Variants in LRP1B observed in about 807,000 individuals in gnomAD.
LRP1B encodes the protein low-density lipoprotein receptor-related protein 1B.
A neutral mutation model predicts 556.6 loss-of-function variants in LRP1B; 217 were observed. That is an observed-to-expected ratio of 0.39 (90% CI 0.35 to 0.44). The LOEUF (loss-of-function observed/expected upper bound fraction) is 0.44, where lower values mean the gene tolerates loss of function less well. Among genes scored for constraint, LRP1B ranks in the 20% least tolerant of loss-of-function variants. The pLI is 1.00. For missense variants in LRP1B, 5,053 were observed against 5,620.8 expected (o/e 0.90, Z 3.23); for synonymous variants, 2,047 against 1,865.8 (o/e 1.10, Z -2.50).
In LRP1B at chr2:140,410,980, A is replaced by G. The variant is rs141482868; in HGVS notation, c.10415-24971T>C. Among the ~76,000 whole-genome samples, 147 of 152,250 alleles carry G rather than the reference A, an allele frequency of 9.7e-4. 1 individual carries two copies. The highest frequency in any genetic ancestry group is 3.4e-3 in the Middle Eastern group (1 of 294). ...GTGCCGGGGTTACCTCACTAGAGCC[A>G]TATATCCCAAGTCACTAATACATGT... is the stretch of plus-strand genomic sequence containing the variant. On this transcript the variant is annotated intron_variant, in intron 66 of 90. Coordinates refer to ENST00000389484, the MANE Select transcript of LRP1B (RefSeq NM_018557.3).
intron 24 of LRP1B, among the ~76,000 whole-genome samples, 199 bp downstream of exon 24, chr2:140,885,939 A>G (rs1279164753): frequency 2.0e-5 from 3 of 152,096 alleles, no homozygotes; most frequent in East Asian, 3.9e-4. Flanking sequence ...AATGGTGTGA[A>G]CAGCACGAGC....
chr2:141,875,224 G>A (rs558048292), intron 1 of LRP1B, among the ~76,000 whole-genome samples: 247 of 151,692 alleles, frequency 1.6e-3, no homozygotes, highest in African/African-American at 5.7e-3. Context: ...TGCCCAGGCG[G>A]GTCTCAAACT....
At chr2:141,876,774 G>C (rs935179963) in intron 1 of LRP1B, among the ~76,000 whole-genome samples, 1 of 151,618 alleles carries the variant, frequency 6.6e-6, no homozygotes, top group Non-Finnish European at 1.5e-5. Context: ...TGTCATTATC[G>C]AGGGTAATTA....
intron 2 of LRP1B, among the ~76,000 whole-genome samples, chr2:141,632,825 C>T (rs1192473089): frequency 2.0e-5 from 3 of 146,904 alleles, no homozygotes; most frequent in African/African-American, 5.1e-5. Context: ...AATATTTACA[C>T]ACAGACTACT....
chr2:141,694,676 T>C (rs1422253934), intron 2 of LRP1B, among the ~76,000 whole-genome samples: 1 of 151,960 alleles, frequency 6.6e-6, no homozygotes, highest in Non-Finnish European at 1.5e-5. Context: ...TTTTCTCTTT[T>C]AGACATCACT....
At chr2:140,365,555 G>C (rs575628807) in intron 71 of LRP1B, among the ~76,000 whole-genome samples, 141 of 151,726 alleles carry the variant, frequency 9.3e-4, no homozygotes, top group African/African-American at 2.6e-3. Flanking sequence ...TGAGAGTTAG[G>C]AACTGTGGGT....
At chr2:141,608,533 T>C (rs1013208572) in intron 2 of LRP1B, among the ~76,000 whole-genome samples, 1 of 152,196 alleles carries the variant, frequency 6.6e-6, no homozygotes, top group Non-Finnish European at 1.5e-5. Context: ...ATACTGAGTA[T>C]GTTCACAGGA....
intron 2 of LRP1B, among the ~76,000 whole-genome samples, chr2:141,625,362 T>A (rs1688670399): frequency 6.6e-6 from 1 of 152,136 alleles, no homozygotes; most frequent in Admixed American, 6.5e-5. Context: ...AATGGATTTT[T>A]AAAAAAATGT....
chr2:141,005,729 G>A (rs899135940), intron 14 of LRP1B, among the ~76,000 whole-genome samples: 1 of 151,896 alleles, frequency 6.6e-6, no homozygotes, highest in Non-Finnish European at 1.5e-5. Context: ...GAACAGAATG[G>A]TATCTGTCTT....
intron 1 of LRP1B, among the ~76,000 whole-genome samples, chr2:141,961,518 G>T (rs183952947): frequency 6.6e-6 from 1 of 151,558 alleles, no homozygotes; most frequent in South Asian, 2.1e-4. Flanking sequence ...ATTGATCTGG[G>T]TCAATAGCTC....
chr2:141,872,914 C>T (rs189011529), intron 1 of LRP1B, among the ~76,000 whole-genome samples: 3 of 152,038 alleles, frequency 2.0e-5, no homozygotes, highest in South Asian at 2.1e-4. Flanking sequence ...CAAGGCTACA[C>T]GAAAACACAT....
At chr2:141,405,275 T>C (rs1011988381) in intron 3 of LRP1B, among the ~76,000 whole-genome samples, 1 of 152,170 alleles carries the variant, frequency 6.6e-6, no homozygotes, top group East Asian at 1.9e-4. Flanking sequence ...TCATACATTT[T>C]AGAAGTTAGA....
chr2:140,274,353 T>C (rs914452862), intron 85 of LRP1B, 71 bp downstream of exon 85: 10 of 1,341,968 alleles, frequency 7.5e-6, no homozygotes, highest in Middle Eastern at 1.8e-4. Context: ...AAGTTTTTAC[T>C]ATTTATTACT....
chr2:141,011,181 A>C (rs1697738520), intron 14 of LRP1B, among the ~76,000 whole-genome samples: 1 of 144,334 alleles, frequency 6.9e-6, no homozygotes, highest in African/African-American at 2.6e-5. Flanking sequence ...TTTTCTCTTC[A>C]ATTGCTATAT....
chr2:141,753,262 C>CTATATATATATATATATATATATATATA (rs70994451), intron 2 of LRP1B, among the ~76,000 whole-genome samples: 32 of 36,188 alleles, frequency 8.8e-4, no homozygotes, highest in Non-Finnish European at 1.5e-3. Context: ...CTCTCTCTCT[C>CTATATATATATATATATATATATATATA]CATATATATA....
In LRP1B at chr2:141,200,117, A is replaced by T. The variant is rs151210544; in HGVS notation, c.851-11534T>A. Among the ~76,000 whole-genome samples, 835 of 152,276 alleles carry T rather than the reference A, an allele frequency of 5.5e-3. 12 individuals carry two copies. Among genetic ancestry groups the T allele is most frequent in the African/African-American group, 0.019 (788 of 41,542 alleles). ...ATAAATCATTCTACCATAAAGACACATGCACGTATATGTTAATTGCCGAAC... is the reference window on the plus strand; with the variant it reads ...ATAAATCATTCTACCATAAAGACACTTGCACGTATATGTTAATTGCCGAAC... On this transcript the variant is annotated intron_variant, in intron 6 of 90. Transcript: ENST00000389484.
At chr2:141,371,257 A>G (rs1271590794) in intron 3 of LRP1B, among the ~76,000 whole-genome samples, 1 of 152,164 alleles carries the variant, frequency 6.6e-6, no homozygotes, top group Non-Finnish European at 1.5e-5. Context: ...TACCAGTAAC[A>G]TGTTCTTTCA....
chr2:140,669,943 GAC>G (rs1328053829), intron 41 of LRP1B, among the ~76,000 whole-genome samples: 1 of 152,026 alleles, frequency 6.6e-6, no homozygotes, highest in African/African-American at 2.4e-5. Context: ...ATCTTGTAGA[GAC>G]AGTACAATAT....
At chr2:141,829,400 C>CA (rs1040083246) in intron 1 of LRP1B, among the ~76,000 whole-genome samples, 1 of 151,036 alleles carries the variant, frequency 6.6e-6, no homozygotes. Flanking sequence ...TGAGATTTTC[C>CA]AAAAAAAAAT....
Sources: allele counts gnomAD v4.1 joint callset (sites outside exome capture counted in the v4.1 genomes callset), GRCh38; gene constraint gnomAD v4.1.1; transcripts MANE v1.5; gene names NCBI Gene and HGNC (gene_info 2026-07-23, HGNC 2026-07-21).